The following ITPRID1 variants were observed in gnomAD, a reference collection of about 807,000 sequenced individuals.
The protein encoded by ITPRID1 is ITPR interacting domain containing 1.
ITPRID1 carries 96 observed loss-of-function variants against 95.4 expected under a neutral mutation model. The ratio of observed to expected loss-of-function variants is 1.01; its 90% confidence interval spans 0.85 to 1.19. The LOEUF (loss-of-function observed/expected upper bound fraction) is 1.19, where lower values mean the gene tolerates loss of function less well. ITPRID1 is among the 50% of genes most tolerant of loss of function. The probability of loss-of-function intolerance (pLI) is 0.00; values close to 1 mark genes in which losing one functional copy is unlikely to be tolerated. For missense variants in ITPRID1, 1,339 were observed against 1,252.9 expected (o/e 1.07, Z -1.04); for synonymous variants, 510 against 453.6 (o/e 1.12, Z -1.58).
Position 31,553,061 on chromosome 7 carries a change from C to A in ITPRID1, c.37C>A (p.Gln13Lys). The change falls in exon 3 of 15, where the codon CAG (glutamine) becomes AAG (lysine). Residue 13 changes from glutamine to lysine, a missense_variant. Gln to Lys is a moderately conservative substitution (Grantham distance 53, BLOSUM62 1). Transcript: ENST00000615280. ...GAAATCACAAGGATCTGACAACCTT[C>A]AGGAAGGCCAGGAAAAGAGCAAGAG... Reference protein sequence around the residue: ...AQKSQGSDNLQEGQEKSKREI... With the variant: ...AQKSQGSDNLKEGQEKSKREI... The A allele has an allele frequency of 1.2e-6, 2 of 1,609,054 alleles. No homozygotes were observed. The highest frequency in any genetic ancestry group is 1.7e-6 in the Non-Finnish European group (2 of 1,177,638).
chr7:31,623,585 G>A (rs935476599), intron 10 of ITPRID1, among the ~76,000 whole-genome samples: 6 of 150,478 alleles, frequency 4.0e-5, no homozygotes, highest in African/African-American at 1.5e-4. Flanking sequence ...CAATAAATTA[G>A]GTATTGATGG....
intron 13 of ITPRID1, 70 bp from the exon 14 acceptor site, chr7:31,651,869 G>A (rs1470732515): frequency 2.9e-6 from 3 of 1,019,118 alleles, no homozygotes; most frequent in Non-Finnish European, 4.5e-6. Context: ...CCTATATTAT[G>A]AGGTGACAAT....
chr7:31,528,331 T>A (rs560756816), intron 1 of ITPRID1, among the ~76,000 whole-genome samples: 63 of 152,332 alleles, frequency 4.1e-4, no homozygotes, highest in East Asian at 9.6e-4. Flanking sequence ...TCTTCTAGAA[T>A]GAAGCTATTA....
At chr7:31,635,837 C>A (rs971384478) in intron 10 of ITPRID1, among the ~76,000 whole-genome samples, 2 of 152,046 alleles carry the variant, frequency 1.3e-5, no homozygotes, top group Non-Finnish European at 2.9e-5. Flanking sequence ...AGGCTTAATA[C>A]CTAGGTGATT....
At chr7:31,565,829 G>A (rs181308389) in intron 5 of ITPRID1, among the ~76,000 whole-genome samples, 2 of 152,198 alleles carry the variant, frequency 1.3e-5, no homozygotes, top group East Asian at 1.9e-4. Flanking sequence ...TCAGACACCC[G>A]ACCTGACATC....
intron 3 of ITPRID1, 40 bp from the exon 4 acceptor site, chr7:31,554,435 T>C: frequency 6.2e-7 from 1 of 1,602,238 alleles, no homozygotes. Flanking sequence ...TTTTAGCTGG[T>C]TGTGCTTTGA....
chr7:31,643,020 G>A lies in ITPRID1; in HGVS notation c.1650G>A (p.Glu550=), dbSNP rs781699544. 134 of 1,613,886 alleles carry A rather than the reference G, an allele frequency of 8.3e-5. No homozygotes were observed. Among genetic ancestry groups the A allele is most frequent in the Non-Finnish European group, 1.1e-4 (129 of 1,179,882 alleles). Reference sequence around the variant, plus strand: ...AGCTTCTGCCAATGCCCCATGCTGAGTATGAGGTCACCAGACCCACAGCCA... The same window carrying A: ...AGCTTCTGCCAATGCCCCATGCTGAATATGAGGTCACCAGACCCACAGCCA... ...LWQLLPMPHA[E]YEVTRPTATS... The change falls in exon 12 of 15, where the codon GAG becomes GAA. Residue 550 remains glutamate, a synonymous_variant. Transcript: ENST00000615280.
intron 10 of ITPRID1, among the ~76,000 whole-genome samples, chr7:31,628,241 C>T (rs995497822): frequency 6.6e-6 from 1 of 152,100 alleles, no homozygotes; most frequent in Non-Finnish European, 1.5e-5. Context: ...ACCGGTGCCT[C>T]CCATTGATGG....
intron 10 of ITPRID1, among the ~76,000 whole-genome samples, chr7:31,616,128 G>A (rs1562611330): frequency 6.6e-6 from 1 of 152,092 alleles, no homozygotes; most frequent in Non-Finnish European, 1.5e-5. Context: ...GGTTCCTACT[G>A]TACATGCAAA....
At chr7:31,596,516 T>C (rs1450546826) in intron 10 of ITPRID1, among the ~76,000 whole-genome samples, 1 of 151,650 alleles carries the variant, frequency 6.6e-6, no homozygotes, top group Non-Finnish European at 1.5e-5. Context: ...CTTGAACAAA[T>C]AGCTTTTAGT....
chr7:31,562,397 G>T (rs1177650707), intron 5 of ITPRID1, among the ~76,000 whole-genome samples: 5 of 152,268 alleles, frequency 3.3e-5, no homozygotes, highest in Middle Eastern at 6.8e-3. Context: ...GTTAATTCAT[G>T]TGTCTTTTAT....
intron 2 of ITPRID1, among the ~76,000 whole-genome samples, chr7:31,552,569 T>G (rs1784316248): frequency 6.6e-6 from 1 of 152,154 alleles, no homozygotes; most frequent in East Asian, 1.9e-4. Flanking sequence ...GTTGCAGAAA[T>G]GAGACTGAGC....
intron 10 of ITPRID1, among the ~76,000 whole-genome samples, chr7:31,608,265 C>A (rs1264611085): frequency 6.6e-6 from 1 of 151,774 alleles, no homozygotes; most frequent in African/African-American, 2.4e-5. Flanking sequence ...ATTATTGTAC[C>A]TTTGTAGTAA....
chr7:31,580,682 A>G (rs1167654334), intron 9 of ITPRID1, among the ~76,000 whole-genome samples: 4 of 152,096 alleles, frequency 2.6e-5, no homozygotes, highest in African/African-American at 9.7e-5. Flanking sequence ...AAACAAAATC[A>G]CATGTTTCTT....
intron 10 of ITPRID1, among the ~76,000 whole-genome samples, chr7:31,591,820 C>G (rs1785877714): frequency 6.6e-6 from 1 of 152,058 alleles, no homozygotes; most frequent in South Asian, 2.1e-4. Flanking sequence ...ATATATTATA[C>G]TTTGATTTAA....
intron 1 of ITPRID1, among the ~76,000 whole-genome samples, chr7:31,544,864 C>G (rs1411318459): frequency 1.3e-5 from 2 of 152,088 alleles, no homozygotes; most frequent in Non-Finnish European, 1.5e-5. Context: ...AGTCATAATT[C>G]CCAGGTACTG....
rs1784256765 is a variant in ITPRID1, at chr7:31,550,664, GAGGTT to G, written c.-24+1166_-24+1170del. Among the ~76,000 whole-genome samples, 2 of 102,680 alleles carry G rather than the reference GAGGTT, an allele frequency of 1.9e-5. 1 individual carries two copies. The highest frequency in any genetic ancestry group is 4.9e-5 in the Non-Finnish European group (2 of 40,724). 67.4% of individuals were successfully genotyped at this position (102,680 alleles called of 152,430 possible). A position where few individuals can be genotyped will look rare whatever the true frequency, so the allele number is the denominator to read the frequency against. On this transcript the variant is annotated intron_variant, in intron 2 of 14. Transcript: ENST00000615280. ...ATCCACTAAAACAGGGGGAACAAAA[GAGGTT>G]TTCTTTATGAACTGGTCCCTGACCC... is the stretch of plus-strand genomic sequence containing the variant.
chr7:31,547,787 G>A (rs974015128), intron 1 of ITPRID1, among the ~76,000 whole-genome samples: 1 of 152,088 alleles, frequency 6.6e-6, no homozygotes, highest in African/African-American at 2.4e-5. Context: ...CAGGTATATG[G>A]GAGGGTAAAG....
In ITPRID1 at chr7:31,603,407, C is replaced by T. The variant is rs1786482511; in HGVS notation, c.1228+20216C>T. 2.7e-5 allele frequency among the ~76,000 whole-genome samples: 4 copies of T among 150,820 alleles called. No individual in the cohort carries two copies. In the Admixed American group the frequency reaches 2.7e-4, roughly 10 times the overall value. On this transcript the variant is annotated intron_variant, in intron 10 of 14. Transcript: ENST00000615280. ...ATCACACCTTCCCTCCCCCTCCCCA[C>T]CCACTCCACAGACACTTTGGCACCA...
Sources: allele counts gnomAD v4.1 joint callset (sites outside exome capture counted in the v4.1 genomes callset), GRCh38; gene constraint gnomAD v4.1.1; transcripts MANE v1.5; gene names NCBI Gene and HGNC (gene_info 2026-07-23, HGNC 2026-07-21).